The following JPH3 variants were observed in gnomAD, a reference collection of about 807,000 sequenced individuals.
JPH3 encodes junctophilin-3.
A neutral mutation model predicts 59.6 loss-of-function variants in JPH3; 11 were observed. That is an observed-to-expected ratio of 0.18 (90% CI 0.12 to 0.31). The LOEUF (loss-of-function observed/expected upper bound fraction) is 0.31, where lower values mean the gene tolerates loss of function less well. Among genes scored for constraint, JPH3 ranks in the 10% least tolerant of loss-of-function variants. The probability of loss-of-function intolerance (pLI) is 1.00; values close to 1 mark genes in which losing one functional copy is unlikely to be tolerated. For synonymous variants in JPH3, 673 were observed against 483.6 expected, an observed-to-expected ratio of 1.39 and a Z score of -5.14; for missense variants, 1,202 against 1,105.7, an observed-to-expected ratio of 1.09 and a Z score of -1.24.
chr16:87,683,867 A>C (rs1352630563), intron 2 of JPH3: 3 of 381,248 alleles, frequency 7.9e-6, no homozygotes, highest in African/African-American at 2.1e-5. Context: ...TGGCCTCCCA[A>C]AGTGCTGGGA....
intron 1 of JPH3, among the ~76,000 whole-genome samples, chr16:87,608,195 C>T (rs772555734): frequency 7.2e-5 from 11 of 152,200 alleles, no homozygotes; most frequent in Admixed American, 2.0e-4. Flanking sequence ...GACACCCAGC[C>T]GGAGAGAGCA....
chr16:87,639,999 C>A (rs1178700228), intron 1 of JPH3, among the ~76,000 whole-genome samples: 1 of 152,212 alleles, frequency 6.6e-6, no homozygotes, highest in Non-Finnish European at 1.5e-5. Context: ...TGAGCCTCTC[C>A]TCTTTCCAGG....
intron 2 of JPH3, among the ~76,000 whole-genome samples, chr16:87,658,983 TC>T (rs2032604595): frequency 1.3e-5 from 2 of 152,034 alleles, no homozygotes; most frequent in African/African-American, 4.8e-5. Flanking sequence ...GGAGGCGGGG[TC>T]GCAGCTGCAG....
intron 2 of JPH3, among the ~76,000 whole-genome samples, chr16:87,679,375 CTT>C (rs568797073): frequency 5.4e-4 from 82 of 152,324 alleles, no homozygotes; most frequent in African/African-American, 1.9e-3. Flanking sequence ...GACCTCCTGT[CTT>C]TAACAACCCA....
intron 2 of JPH3, among the ~76,000 whole-genome samples, chr16:87,651,404 T>C (rs552566822): frequency 6.6e-6 from 1 of 152,354 alleles, no homozygotes; most frequent in Admixed American, 6.5e-5. Flanking sequence ...AAGGCTGCCA[T>C]AGATAGTGAT....
At chr16:87,628,660 G>A (rs947032361) in intron 1 of JPH3, among the ~76,000 whole-genome samples, 4 of 152,200 alleles carry the variant, frequency 2.6e-5, no homozygotes, top group African/African-American at 9.7e-5. Flanking sequence ...ACATGCTAAT[G>A]TCTCCCTCGC....
intron 2 of JPH3, among the ~76,000 whole-genome samples, chr16:87,655,378 T>G (rs546198628): frequency 1.4e-4 from 20 of 145,414 alleles, no homozygotes; most frequent in African/African-American, 3.9e-4. Context: ...TGACAGGGTG[T>G]TGTTCTGCTC....
At chr16:87,673,549 G>A (rs890028039) in intron 2 of JPH3, among the ~76,000 whole-genome samples, 63 of 152,190 alleles carry the variant, frequency 4.1e-4, no homozygotes, top group African/African-American at 1.5e-3. Context: ...GTTGTTATTA[G>A]ACTGTGAATT....
intron 1 of JPH3, among the ~76,000 whole-genome samples, chr16:87,625,646 CAG>C (rs753138683): frequency 4.1e-4 from 63 of 152,166 alleles, no homozygotes; most frequent in Non-Finnish European, 8.1e-4. Flanking sequence ...GAGGATCTAA[CAG>C]GGGTTCCTGG....
intron 2 of JPH3, among the ~76,000 whole-genome samples, chr16:87,662,244 T>C (rs1597273034): frequency 1.3e-5 from 2 of 152,212 alleles, no homozygotes; most frequent in African/African-American, 4.8e-5. Context: ...GCTGCCGAGA[T>C]AGCAGCCCCT....
chr16:87,628,067 C>T (rs148021341), intron 1 of JPH3, among the ~76,000 whole-genome samples: 2,387 of 152,334 alleles, frequency 0.016, 40 homozygotes, highest in South Asian at 0.038. Flanking sequence ...CTGTTCCTGC[C>T]TCCCCTGTTC....
At chr16:87,605,069 A>T (rs1048537535) in intron 1 of JPH3, 1 of 402,306 alleles carries the variant, frequency 2.5e-6, no homozygotes, top group Non-Finnish European at 5.1e-6. Flanking sequence ...TGGCGCTTCC[A>T]GCTGGGCTGT....
At chr16:87,676,286 A>T (rs1053722388) in intron 2 of JPH3, among the ~76,000 whole-genome samples, 1 of 152,184 alleles carries the variant, frequency 6.6e-6, no homozygotes, top group African/African-American at 2.4e-5. Context: ...CTAATATACA[A>T]CAGTGTGTTT....
chr16:87,654,006 A>G (rs1156698198), intron 2 of JPH3: 1 of 152,238 alleles, frequency 6.6e-6, no homozygotes, highest in Non-Finnish European at 1.5e-5. Flanking sequence ...ACTCTACTCC[A>G]TTGTGTGAGA....
chr16:87,684,547 T>G, intron 3 of JPH3: 2 of 421,874 alleles, frequency 4.7e-6, no homozygotes, highest in East Asian at 4.9e-5. Context: ...TGACGGTGAA[T>G]TCCCACCTGC....
At chr16:87,640,859 G>A (rs2031926446) in intron 1 of JPH3, among the ~76,000 whole-genome samples, 2 of 152,248 alleles carry the variant, frequency 1.3e-5, no homozygotes. Flanking sequence ...CAGTCTTGGG[G>A]TGAGGGTCCC....
chr16:87,655,311 G>C (rs952524491), intron 2 of JPH3, among the ~76,000 whole-genome samples: 5 of 152,072 alleles, frequency 3.3e-5, no homozygotes, highest in African/African-American at 9.7e-5. Flanking sequence ...CTGAGCCTCT[G>C]TCTCCCTGGT....
chr16:87,629,637 G>T (rs555050039), intron 1 of JPH3, among the ~76,000 whole-genome samples: 1 of 150,666 alleles, frequency 6.6e-6, no homozygotes, highest in Admixed American at 6.6e-5. Flanking sequence ...TCTGGAAGAG[G>T]TGGAACTCTG....
At chr16:87,615,354 G>C (rs543436826) in intron 1 of JPH3, among the ~76,000 whole-genome samples, 14 of 152,170 alleles carry the variant, frequency 9.2e-5, no homozygotes, top group African/African-American at 3.1e-4. Flanking sequence ...CGGAGGCCCC[G>C]TACCCTTGGG....
Sources: allele counts gnomAD v4.1 joint callset (sites outside exome capture counted in the v4.1 genomes callset), GRCh38; gene constraint gnomAD v4.1.1; transcripts MANE v1.5; gene names NCBI Gene and HGNC (gene_info 2026-07-23, HGNC 2026-07-21).